FKBP6: variants seen among roughly 807,000 people sequenced by gnomAD.
The protein encoded by FKBP6 is inactive peptidyl-prolyl cis-trans isomerase FKBP6.
FKBP6 carries 29 observed loss-of-function variants against 41.7 expected under a neutral mutation model. The observed-to-expected ratio is 0.70, with a 90% CI of 0.52 to 0.95. The LOEUF is 0.95. Ranked by LOEUF, FKBP6 falls within the 40% of genes least tolerant of loss-of-function variation. The pLI, the probability that FKBP6 is intolerant of heterozygous loss-of-function variation, is 0.00. For synonymous variants in FKBP6, 130 were observed against 165.1 expected (o/e 0.79, Z 1.63); for missense variants, 338 against 408.7 (o/e 0.83, Z 1.49).
chr7:73,333,014 G>A (rs1804895235), intron 5 of FKBP6, among the ~76,000 whole-genome samples: 1 of 152,172 alleles, frequency 6.6e-6, no homozygotes. Flanking sequence ...GCTCATGCCT[G>A]TAATCCCAGC....
chr7:73,348,427 C>T (rs1805396100), intron 8 of FKBP6, among the ~76,000 whole-genome samples: 1 of 152,212 alleles, frequency 6.6e-6, no homozygotes, highest in East Asian at 1.9e-4. Context: ...CCGTCCACAT[C>T]CTCCCTGTAT....
intron 5 of FKBP6, chr7:73,336,685 G>GT (rs1805014471): frequency 1.1e-5 from 5 of 454,662 alleles, no homozygotes; most frequent in Admixed American, 7.1e-5. Context: ...TATTAAACAT[G>GT]TACCAGCACA....
intron 5 of FKBP6, among the ~76,000 whole-genome samples, chr7:73,334,532 C>T (rs1554548218): frequency 3.3e-5 from 5 of 152,014 alleles, no homozygotes; most frequent in African/African-American, 4.8e-5. Flanking sequence ...ACCTATAATC[C>T]CAGCACTTCA....
intron 5 of FKBP6, among the ~76,000 whole-genome samples, chr7:73,337,260 C>T (rs1805032702): frequency 6.6e-6 from 1 of 150,732 alleles, no homozygotes; most frequent in African/African-American, 2.4e-5. Flanking sequence ...TCATGACTTT[C>T]TGCCTGTGCT....
chr7:73,338,405 G>T lies in FKBP6; in HGVS notation c.589-2233G>T, dbSNP rs1805072477. ...CATTCATCAGTTGGACATGTGGGTTGTTTCCACTTCGTGATTATTATGACT... is the reference window on the plus strand; with the variant it reads ...CATTCATCAGTTGGACATGTGGGTTTTTTCCACTTCGTGATTATTATGACT... On this transcript the variant is annotated intron_variant, in intron 5 of 8. Transcript: ENST00000252037. Among the ~76,000 whole-genome samples, 3 of 152,366 alleles carry T rather than the reference G, an allele frequency of 2.0e-5. No individual in the cohort carries two copies. The South Asian group carries it at 6.2e-4, about 32-fold the overall frequency.
intron 8 of FKBP6, among the ~76,000 whole-genome samples, chr7:73,345,847 G>A (rs548322060): frequency 1.2e-4 from 18 of 152,234 alleles, no homozygotes; most frequent in Non-Finnish European, 1.2e-4. Context: ...GGAAACATCT[G>A]TTCCCGGGCC....
chr7:73,332,169 C>T (rs1485576507), intron 5 of FKBP6, among the ~76,000 whole-genome samples: 1 of 152,094 alleles, frequency 6.6e-6, no homozygotes, highest in Non-Finnish European at 1.5e-5. Flanking sequence ...CGGCAAAAAA[C>T]ACAGATTTTT....
chr7:73,340,697 C>T lies in FKBP6; in HGVS notation c.648C>T (p.Ala216=), dbSNP rs1554549331. The change falls in exon 6 of 9, where the codon GCC becomes GCT. Residue 216 remains alanine, a synonymous_variant. Transcript: ENST00000252037. ...APPEEQHLVE[A]AKLPVLLNLS... ...CTGAAGAGCAGCACCTGGTGGAGGC[C>T]GCCAAGCTTCCTGTTCTCCTGAACC... is the stretch of plus-strand genomic sequence containing the variant. 8 of 1,613,972 alleles carry T rather than the reference C, an allele frequency of 5.0e-6. No homozygotes were observed. Among genetic ancestry groups the T allele is most frequent in the African/African-American group, 1.3e-5 (1 of 74,994 alleles).
At chr7:73,335,395 C>T (rs983357260) in intron 5 of FKBP6, among the ~76,000 whole-genome samples, 4 of 152,170 alleles carry the variant, frequency 2.6e-5, no homozygotes, top group African/African-American at 7.2e-5. Flanking sequence ...CTTTCTGCCC[C>T]GTGTGTGTGC....
intron 8 of FKBP6, among the ~76,000 whole-genome samples, chr7:73,344,132 G>T (rs1554549991): frequency 6.6e-6 from 1 of 152,180 alleles, no homozygotes; most frequent in African/African-American, 2.4e-5. Context: ...GACTTCCCTT[G>T]TTTGGTCACT....
intron 8 of FKBP6, among the ~76,000 whole-genome samples, chr7:73,354,352 C>T (rs1367930019): frequency 6.6e-6 from 1 of 152,196 alleles, no homozygotes; most frequent in Non-Finnish European, 1.5e-5. Context: ...GCAGGAAGTG[C>T]AGCAGTCAGC....
rs1554547716 is a variant in FKBP6, at chr7:73,331,715, A to T, written c.527A>T (p.Glu176Val). 1 of 1,613,814 alleles carries T rather than the reference A, an allele frequency of 6.2e-7. No individual in the cohort carries two copies. Among genetic ancestry groups the T allele is most frequent in the Non-Finnish European group, 8.5e-7 (1 of 1,179,750 alleles). ...KVLKVAATER[E>V]FGNYLFRQNR... ...CTGAAAGTGGCAGCTACGGAACGGG[A>T]GTTTGGCAACTACCTTTTCCGCCAG... Residue 176 changes from glutamate to valine, a missense_variant, in exon 5 of 9, where the codon GAG becomes GTG. Around this residue, in one of 2 missense-constraint regions of FKBP6, gnomAD observed 239 missense variants for 250.1 expected, o/e 0.96. Transcript: ENST00000252037.
chr7:73,355,949 C>G (rs1365123645), intron 8 of FKBP6, among the ~76,000 whole-genome samples: 2 of 151,326 alleles, frequency 1.3e-5, no homozygotes, highest in Non-Finnish European at 2.9e-5. Flanking sequence ...GCCTGTGGTC[C>G]CAGCTTCTCG....
intron 5 of FKBP6, among the ~76,000 whole-genome samples, chr7:73,340,301 G>A (rs1254022241): frequency 6.6e-6 from 1 of 152,092 alleles, no homozygotes; most frequent in Non-Finnish European, 1.5e-5. Flanking sequence ...GGCTGAGGCA[G>A]GTGGATCACG....
intron 7 of FKBP6, 36 bp from the exon 8 acceptor site, chr7:73,342,771 A>G (rs371411087): frequency 3.0e-5 from 43 of 1,435,442 alleles, no homozygotes; most frequent in Admixed American, 1.3e-4. Context: ...CTCCAAACAC[A>G]GACCTCCTCT....
chr7:73,347,185 T>C (rs1442231377), intron 8 of FKBP6, among the ~76,000 whole-genome samples: 1 of 152,260 alleles, frequency 6.6e-6, no homozygotes, highest in Non-Finnish European at 1.5e-5. Context: ...TACTGTTTTC[T>C]TAGTGTATTT....
chr7:73,355,946 G>T (rs1215943202), intron 8 of FKBP6, among the ~76,000 whole-genome samples: 2 of 151,574 alleles, frequency 1.3e-5, no homozygotes, highest in Non-Finnish European at 2.9e-5. Context: ...GGCGCCTGTG[G>T]TCCCAGCTTC....
In FKBP6 at chr7:73,330,252, G is replaced by C. The variant is rs1064197; in HGVS notation, c.368G>C (p.Cys123Ser). 124 of 1,613,866 alleles carry C rather than the reference G, an allele frequency of 7.7e-5. 1 individual carries two copies. The Middle Eastern group carries it at 1.8e-3, about 24-fold the overall frequency. Residue 123 changes from cysteine to serine, a missense_variant, in exon 4 of 9, where the codon TGC (cysteine) becomes TCC (serine). Around this residue, in one of 2 missense-constraint regions of FKBP6, gnomAD observed 239 missense variants for 250.1 expected, o/e 0.96. Coordinates refer to ENST00000252037, the MANE Select transcript of FKBP6 (RefSeq NM_003602.5). ...AACTACGCCTATGGAACGCTGGGCT[G>C]CCCTCCCTTGATCCCCCCAAACACC... ...KPNYAYGTLG[C>S]PPLIPPNTTV... is the part of the protein sequence containing the mutation.
intron 8 of FKBP6, among the ~76,000 whole-genome samples, chr7:73,352,609 C>T (rs1805521719): frequency 6.6e-6 from 1 of 152,176 alleles, no homozygotes; most frequent in African/African-American, 2.4e-5. Context: ...ACTTTTGATG[C>T]TCCCCTACGC....
Sources: gnomAD v4.1 joint callset for allele counts (sites outside exome capture counted in the v4.1 genomes callset) on GRCh38, gnomAD v4.1.1 for gene constraint, gnomAD v4.1.1 regional missense constraint, MANE v1.5 for transcripts, NCBI Gene and HGNC (gene_info 2026-07-23, HGNC 2026-07-21) for gene names.